TMIGD1: variants seen among roughly 807,000 people sequenced by gnomAD.
TMIGD1 encodes transmembrane and immunoglobulin domain containing 1.
TMIGD1 carries 29 observed loss-of-function variants against 27.5 expected under a neutral mutation model. That is an observed-to-expected ratio of 1.05 (90% confidence interval 0.78 to 1.44). The LOEUF (loss-of-function observed/expected upper bound fraction) is 1.44, where lower values mean the gene tolerates loss of function less well. Among genes scored for constraint, TMIGD1 ranks in the 40% most tolerant of loss-of-function variants. The probability of loss-of-function intolerance (pLI) is 0.00; values close to 1 mark genes in which losing one functional copy is unlikely to be tolerated. For synonymous variants in TMIGD1, 109 were observed against 110.3 expected (o/e 0.99, Z 0.07); for missense variants, 334 against 310.6 (o/e 1.08, Z -0.57).
rs564369654 is a variant in TMIGD1 at position 30,316,557 on chromosome 17, T to C, written c.*130A>G. ...GTATCAAATTAGTCCTAACAACTACTGTTAAGTGATTAATGAAACAGGAGT... is the reference window on the plus strand; with the variant it reads ...GTATCAAATTAGTCCTAACAACTACCGTTAAGTGATTAATGAAACAGGAGT... On this transcript the variant is annotated 3_prime_UTR_variant, in exon 7 of 7. Coordinates refer to ENST00000328886, the MANE Select transcript of TMIGD1 (RefSeq NM_206832.3). 4.6e-5 allele frequency: 41 copies of C among 884,658 alleles called. No individual in the cohort carries two copies. The African/African-American group carries it at 5.7e-4, about 12-fold the overall frequency. The allele number at this position is 884,658 out of a possible 1,614,324, so 54.8% of individuals were successfully genotyped here.
rs373104147 is a variant in TMIGD1 at position 30,329,593 on chromosome 17, G to A, written c.83-64C>T. 202 of 1,398,922 alleles carry A rather than the reference G, an allele frequency of 1.4e-4. 4 individuals are homozygous for A. The South Asian group carries it at 2.5e-3, about 17-fold the overall frequency. 86.7% of individuals were successfully genotyped at this position (1,398,922 alleles called of 1,614,324 possible). On this transcript the variant is annotated intron_variant, in intron 2 of 6. Coordinates refer to ENST00000328886, the MANE Select transcript of TMIGD1 (RefSeq NM_206832.3). ...AAACAACCTTAATGCTCATGAACAG[G>A]GGATTGGTTAAATAAGTTATGTTAC... is the stretch of plus-strand genomic sequence containing the variant.
At chr17:30,328,378 A>C (rs1909857933) in intron 3 of TMIGD1, among the ~76,000 whole-genome samples, 1 of 152,220 alleles carries the variant, frequency 6.6e-6, no homozygotes, top group Non-Finnish European at 1.5e-5. Context: ...AGGAACTACA[A>C]AGGAAAAGAC....
At chr17:30,318,757 G>A in intron 5 of TMIGD1, 53 bp downstream of exon 5, 3 of 1,364,492 alleles carry the variant, frequency 2.2e-6, no homozygotes, top group South Asian at 2.4e-5. Context: ...CTAGCTTTCT[G>A]CCTTTATTCA....
intron 3 of TMIGD1, among the ~76,000 whole-genome samples, chr17:30,326,370 T>C (rs1909774549): frequency 1.3e-5 from 2 of 152,234 alleles, no homozygotes; most frequent in Admixed American, 6.5e-5. Context: ...CACTTCCTGA[T>C]CCCCAGAGAT....
In TMIGD1 at chr17:30,325,009, G is replaced by A. The variant is rs73989841; in HGVS notation, c.447C>T (p.Pro149=). 1,712 of 1,614,012 alleles carry A rather than the reference G, an allele frequency of 1.1e-3. 16 individuals carry two copies. The African/African-American group carries it at 0.02, about 19-fold the overall frequency. The change falls in exon 4 of 7, where the codon CCC becomes CCT. Residue 149 remains proline, a synonymous_variant. Transcript: ENST00000328886. ...VKLVCNVKAN[P]QAQMMWYKNS... ...TTTTGTACCACATCATTTGAGCCTG[G>A]GGGTTGGCTTTCACATTGCAAACCA...
intron 3 of TMIGD1, 111 bp downstream of exon 3, chr17:30,329,140 G>T: frequency 7.7e-7 from 1 of 1,300,706 alleles, no homozygotes; most frequent in African/African-American, 1.5e-5. Flanking sequence ...ATACTTTGTG[G>T]TAGGAGCATA....
intron 4 of TMIGD1, among the ~76,000 whole-genome samples, chr17:30,319,364 G>A (rs534855406): frequency 1.4e-3 from 191 of 141,008 alleles, no homozygotes; most frequent in Non-Finnish European, 2.1e-3. Context: ...GACAGAGGTT[G>A]CAGTGAGCCA....
chr17:30,320,279 G>A (rs1909575796), intron 4 of TMIGD1, among the ~76,000 whole-genome samples: 2 of 151,984 alleles, frequency 1.3e-5, no homozygotes, highest in South Asian at 2.1e-4. Flanking sequence ...CTTGTGATCC[G>A]CCTTCCTTGG....
At chr17:30,328,269 T>G (rs1294963777) in intron 3 of TMIGD1, among the ~76,000 whole-genome samples, 2 of 152,024 alleles carry the variant, frequency 1.3e-5, no homozygotes, top group African/African-American at 4.8e-5. Context: ...CTCCTGATCT[T>G]AAGTGATCCA....
chr17:30,328,885 A>G (rs1193506454), intron 3 of TMIGD1, among the ~76,000 whole-genome samples: 2 of 149,364 alleles, frequency 1.3e-5, no homozygotes, highest in African/African-American at 4.9e-5. Flanking sequence ...AATCGCTTGA[A>G]CCCGGGAGGT....
At position 30,331,713 on chromosome 17, in the gene TMIGD1, C is replaced by T. The variant is rs144313928; in HGVS notation, c.82+339G>A. Among the ~76,000 whole-genome samples, 1,211 of 152,048 alleles carry T rather than the reference C, an allele frequency of 8.0e-3. 9 individuals are homozygous for T. The highest frequency in any genetic ancestry group is 0.013 in the Non-Finnish European group (860 of 67,956). ...ACGCCATTCTCCTGCCTCAGCCACC[C>T]GAGTAGCTGGAACTACAGGCGCCTG... On this transcript the variant is annotated intron_variant, in intron 2 of 6. Coordinates refer to ENST00000328886, the MANE Select transcript of TMIGD1 (RefSeq NM_206832.3).
chr17:30,329,404 C>G lies in TMIGD1; in HGVS notation c.208G>C (p.Glu70Gln), dbSNP rs369657718. 1 of 1,614,214 alleles carries G rather than the reference C, an allele frequency of 6.2e-7. No homozygotes were observed. Among genetic ancestry groups the G allele is most frequent in the Non-Finnish European group, 8.5e-7 (1 of 1,180,040 alleles). ...GATTTCAAATCCACTCTCCCCTCCT[C>G]TCGGTACCAGAGCAGTTCTTCCTCT... Reference protein sequence around the residue: ...TREEELLWYREEGRVDLKSGN... With the variant: ...TREEELLWYRQEGRVDLKSGN... Residue 70 changes from glutamate (E) to glutamine (Q), a missense_variant, in exon 3 of 7, where the codon GAG becomes CAG. By Grantham distance (29) the Glu-to-Gln change is conservative. Transcript: ENST00000328886.
At chr17:30,329,108 G>T in intron 3 of TMIGD1, 143 bp downstream of exon 3, 1 of 884,182 alleles carries the variant, frequency 1.1e-6, no homozygotes, top group Non-Finnish European at 1.7e-6. Flanking sequence ...GCTCATGAGG[G>T]TGAGGGGAAA....
intron 3 of TMIGD1, among the ~76,000 whole-genome samples, chr17:30,328,607 C>CA (rs967989474): frequency 2.6e-5 from 4 of 151,066 alleles, no homozygotes; most frequent in Admixed American, 1.3e-4. Flanking sequence ...TGGAAACAAA[C>CA]AAAAAAAAGA....
At chr17:30,333,410 C>T (rs1910046859) in intron 1 of TMIGD1, among the ~76,000 whole-genome samples, 1 of 151,872 alleles carries the variant, frequency 6.6e-6, no homozygotes, top group South Asian at 2.1e-4. Flanking sequence ...CACTGCACTC[C>T]AGCCTGGGCG....
chr17:30,319,261 A>AAAAAAAATATATATATATATATAT, intron 4 of TMIGD1, among the ~76,000 whole-genome samples: 7 of 69,036 alleles, frequency 1.0e-4, no homozygotes, highest in African/African-American at 5.4e-4. Flanking sequence ...AAAAAAAAAA[A>AAAAAAAATATATATATATATATAT]ATATATATAT....
chr17:30,333,629 G>T (rs1483208492), intron 1 of TMIGD1, among the ~76,000 whole-genome samples: 1 of 151,926 alleles, frequency 6.6e-6, no homozygotes, highest in Non-Finnish European at 1.5e-5. Context: ...TTCATGCCAG[G>T]CTCACCCTTT....
intron 4 of TMIGD1, among the ~76,000 whole-genome samples, chr17:30,322,089 A>G (rs1472284025): frequency 6.6e-6 from 1 of 152,066 alleles, no homozygotes; most frequent in Admixed American, 6.5e-5. Flanking sequence ...CGGTCTCCCA[A>G]AGTCCTGGGA....
chr17:30,324,968 T>G lies in TMIGD1; in HGVS notation c.488A>C (p.Asp163Ala), dbSNP rs1319755751. 6.2e-7 allele frequency: 1 copy of G among 1,614,018 alleles called. No homozygotes were observed. Among genetic ancestry groups the G allele is most frequent in the Non-Finnish European group, 8.5e-7 (1 of 1,180,008 alleles). Residue 163 changes from aspartate to alanine, a missense_variant, in exon 4 of 7, where the codon GAT becomes GCT. Transcript: ENST00000328886. ...MMWYKNSSLL[D>A]LEKSRHQIQQ... ...GATTTGGTGACGGCTTTTCTCTAAATCGAGGAGACTACTGTTTTTGTACCA... is the reference window on the plus strand; with the variant it reads ...GATTTGGTGACGGCTTTTCTCTAAAGCGAGGAGACTACTGTTTTTGTACCA...
Sources: allele counts gnomAD v4.1 joint callset (sites outside exome capture counted in the v4.1 genomes callset), GRCh38; gene constraint gnomAD v4.1.1; transcripts MANE v1.5; gene names NCBI Gene and HGNC (gene_info 2026-07-23, HGNC 2026-07-21).